The following C4orf51 variants were observed in gnomAD, a reference collection of about 807,000 sequenced individuals.
C4orf51 encodes uncharacterized protein C4orf51.
In C4orf51, 25 loss-of-function variants were observed where a neutral mutation model predicts 25.2. That is an observed-to-expected ratio of 0.99 (90% CI 0.72 to 1.39). The LOEUF (loss-of-function observed/expected upper bound fraction) is 1.39, where lower values mean the gene tolerates loss of function less well. Ranked by LOEUF, C4orf51 falls within the 40% of genes most tolerant of loss-of-function variation. The pLI is 0.00. For missense variants in C4orf51, 252 were observed against 239.6 expected, an observed-to-expected ratio of 1.05 and a Z score of -0.34; for synonymous variants, 100 against 84.5, an observed-to-expected ratio of 1.18 and a Z score of -1.01.
chr4:145,721,335 ACT>A (rs1731726913), intron 2 of C4orf51, among the ~76,000 whole-genome samples: 1 of 125,744 alleles, frequency 8.0e-6, no homozygotes, highest in African/African-American at 3.4e-5. Context: ...ACAGAGTGAG[ACT>A]CTGTCTCAAA....
At chr4:145,764,828 C>T (rs981015554) in intron 1 of C4orf51, 12 of 926,568 alleles carry the variant, frequency 1.3e-5, no homozygotes, top group Non-Finnish European at 1.7e-5. Context: ...AGGTCTAATT[C>T]AATCCAGCTA....
At chr4:145,749,065 G>A (rs6847001) in intron 1 of C4orf51, among the ~76,000 whole-genome samples, 70,919 of 114,676 alleles carry the variant, frequency 0.62, 18,499 homozygotes, top group Non-Finnish European at 0.65. Context: ...GTGTGTGTGT[G>A]TATATATATA....
chr4:145,726,295 A>G (rs1284316275), intron 2 of C4orf51, among the ~76,000 whole-genome samples: 1 of 152,242 alleles, frequency 6.6e-6, no homozygotes, highest in Non-Finnish European at 1.5e-5. Context: ...CACCTCAAAC[A>G]TTTATGATTT....
At chr4:145,745,024 A>G (rs1219827804) in intron 1 of C4orf51, among the ~76,000 whole-genome samples, 2 of 152,162 alleles carry the variant, frequency 1.3e-5, no homozygotes, top group Non-Finnish European at 1.5e-5. Context: ...ATTTTCATCA[A>G]TCTGTTTTTA....
the C4orf51 span, among the ~76,000 whole-genome samples, chr4:145,777,735 A>G: frequency 6.6e-6 from 1 of 152,186 alleles, no homozygotes; most frequent in South Asian, 2.1e-4. Flanking sequence ...TGTTTTATCA[A>G]TTCCTTAAGA....
intron 1 of C4orf51, among the ~76,000 whole-genome samples, 161 bp from the exon 2 acceptor site, chr4:145,696,398 G>A (rs189548725): frequency 2.0e-5 from 3 of 152,194 alleles, no homozygotes; most frequent in Non-Finnish European, 2.9e-5. Context: ...ACAAACCCCC[G>A]TTACACGAGT....
intron 2 of C4orf51, among the ~76,000 whole-genome samples, chr4:145,703,314 T>C (rs1010434979): frequency 1.6e-4 from 24 of 151,968 alleles, no homozygotes; most frequent in Non-Finnish European, 3.4e-4. Flanking sequence ...CCCCCACTCC[T>C]GCCCGCCAGA....
chr4:145,694,264 A>T (rs1247027436), intron 1 of C4orf51, among the ~76,000 whole-genome samples: 2 of 133,570 alleles, frequency 1.5e-5, no homozygotes, highest in Non-Finnish European at 3.2e-5. Flanking sequence ...CCAGGCGGAG[A>T]CGCTCCTCAC....
downstream of C4orf51, among the ~76,000 whole-genome samples, chr4:145,734,539 T>C (rs1002790352): frequency 6.6e-6 from 1 of 152,196 alleles, no homozygotes; most frequent in African/African-American, 2.4e-5. Flanking sequence ...CAGTCCCATC[T>C]CTGTCCTGCT....
chr4:145,782,684 CAT>C, the C4orf51 span, among the ~76,000 whole-genome samples: 1 of 152,224 alleles, frequency 6.6e-6, no homozygotes, highest in African/African-American at 2.4e-5. Context: ...CAAATCTCAT[CAT>C]GTCTTGTTCT....
intron 1 of C4orf51, among the ~76,000 whole-genome samples, chr4:145,742,730 C>T (rs1223025196): frequency 6.6e-6 from 1 of 151,804 alleles, no homozygotes; most frequent in African/African-American, 2.4e-5. Context: ...TTAGTAGAGA[C>T]GGGGTTTCAC....
At chr4:145,776,579 ATATTCTGTGAGT>A in the C4orf51 span, among the ~76,000 whole-genome samples, 3 of 152,016 alleles carry the variant, frequency 2.0e-5, no homozygotes, top group Non-Finnish European at 4.4e-5. Flanking sequence ...GGGCAAAAGA[ATATTCTGTGAGT>A]GAGCAAGTGT....
intron 1 of C4orf51, among the ~76,000 whole-genome samples, chr4:145,743,310 T>C (rs531106885): frequency 6.6e-6 from 1 of 152,226 alleles, no homozygotes; most frequent in South Asian, 2.1e-4. Flanking sequence ...GGTGGGAAAG[T>C]CTAAGATCAA....
At chr4:145,742,443 T>C (rs1733147746) in intron 1 of C4orf51, among the ~76,000 whole-genome samples, 1 of 152,158 alleles carries the variant, frequency 6.6e-6, no homozygotes, top group African/African-American at 2.4e-5. Flanking sequence ...TCAAATGTCA[T>C]CTTTGCTCCA....
At chr4:145,768,904 T>TAC (rs1735792251) in intron 1 of C4orf51, among the ~76,000 whole-genome samples, 1 of 28,874 alleles carries the variant, frequency 3.5e-5, no homozygotes, top group Non-Finnish European at 7.7e-5. Context: ...TATATATATA[T>TAC]ATATATATAT....
chr4:145,732,445 T>A lies in C4orf51; in HGVS notation c.502-8T>A. 6 of 1,600,402 alleles carry A rather than the reference T, an allele frequency of 3.7e-6. No homozygotes were observed. The highest frequency in any genetic ancestry group is 5.1e-6 in the Non-Finnish European group (6 of 1,171,364). On this transcript the variant is annotated splice_polypyrimidine_tract_variant and splice_region_variant and intron_variant, in intron 5 of 5. Transcript: ENST00000438731. ...GCGAGTGTTGACAACCAGGCCATTT[T>A]TCTCCAGCTTCATGGACGGTGCGAT...
intron 3 of C4orf51, among the ~76,000 whole-genome samples, chr4:145,728,047 TACACACAC>T (rs66860071): frequency 7.5e-6 from 1 of 133,350 alleles, no homozygotes; most frequent in Non-Finnish European, 1.6e-5. Flanking sequence ...AATATATATA[TACACACAC>T]ACACACACAC....
intron 2 of C4orf51, among the ~76,000 whole-genome samples, chr4:145,726,324 C>A (rs889808029): frequency 6.6e-6 from 1 of 152,176 alleles, no homozygotes; most frequent in Non-Finnish European, 1.5e-5. Context: ...TGGGAACATT[C>A]AAAATCCTTT....
intron 1 of C4orf51, among the ~76,000 whole-genome samples, chr4:145,753,113 A>G (rs890411804): frequency 3.5e-4 from 52 of 148,658 alleles, no homozygotes; most frequent in African/African-American, 1.3e-3. Context: ...GTGATTGCTC[A>G]CCTGATTTTT....
Sources: gnomAD v4.1 joint callset for allele counts (sites outside exome capture counted in the v4.1 genomes callset) on GRCh38, gnomAD v4.1.1 for gene constraint, MANE v1.5 for transcripts, NCBI Gene and HGNC (gene_info 2026-07-23, HGNC 2026-07-21) for gene names.